Variants in ELL3 observed in about 807,000 individuals in gnomAD.
ELL3 encodes RNA polymerase II elongation factor ELL3.
In ELL3, 48 loss-of-function variants were observed where a neutral mutation model predicts 58.5. The ratio of observed to expected loss-of-function variants is 0.82; its 90% CI spans 0.65 to 1.04. The LOEUF (loss-of-function observed/expected upper bound fraction) is 1.04. Ranked by LOEUF, ELL3 falls within the 50% of genes least tolerant of loss-of-function variation. The pLI, the probability that ELL3 is intolerant of heterozygous loss-of-function variation, is 0.00. For synonymous variants in ELL3, 174 were observed against 173.2 expected, an observed-to-expected ratio of 1.00 and a Z score of -0.04; for missense variants, 458 against 478.4, an observed-to-expected ratio of 0.96 and a Z score of 0.40.
rs771473047 is a variant in ELL3, at chr15:43,775,343, G to C, written c.608C>G (p.Ala203Gly). The change falls in exon 6 of 11, where the codon GCA becomes GGA. Residue 203 changes from alanine to glycine, a missense_variant. Coordinates refer to ENST00000319359, the MANE Select transcript of ELL3 (RefSeq NM_025165.3). ...THVPNREPVQ[A>G]LPSSASRKRL... ...TTTCCGGCTGGCAGAGGAAGGCAGT[G>C]CCTGAACAGGTTCTCTGTTTGGAAC... is the stretch of plus-strand genomic sequence containing the variant. 5 of 1,613,556 alleles carry C rather than the reference G, an allele frequency of 3.1e-6. No homozygotes were observed. Among genetic ancestry groups the C allele is most frequent in the Non-Finnish European group, 4.2e-6 (5 of 1,179,612 alleles).
At position 43,773,868 on chromosome 15, in the gene ELL3, G is replaced by A. The variant is rs2086896215; in HGVS notation, c.1038+314C>T. Among the ~76,000 whole-genome samples, 3 of 152,040 alleles carry A rather than the reference G, an allele frequency of 2.0e-5. No individual in the cohort carries two copies. The South Asian group carries it at 6.2e-4, about 31-fold the overall frequency. The stretch of plus-strand genomic sequence containing the variant: ...AATACAAAAAGTGGCTGGGCATGGT[G>A]GCACATACCTATAATCCCAGCTATT... On this transcript the variant is annotated intron_variant, in intron 9 of 10. Coordinates refer to ENST00000319359, the MANE Select transcript of ELL3 (RefSeq NM_025165.3).
At chr15:43,776,388 T>G in intron 2 of ELL3, 121 bp downstream of exon 2, 1 of 1,470,464 alleles carries the variant, frequency 6.8e-7, no homozygotes, top group African/African-American at 1.4e-5. Flanking sequence ...AGTTCAGTTA[T>G]CGGAACTACC....
chr15:43,774,630 G>A lies in ELL3; in HGVS notation c.789C>T (p.Asp263=). 1 of 1,614,100 alleles carries A rather than the reference G, an allele frequency of 6.2e-7. No homozygotes were observed. The highest frequency in any genetic ancestry group is 8.5e-7 in the Non-Finnish European group (1 of 1,180,022). Residue 263 remains aspartate, a synonymous_variant, in exon 7 of 11, where the codon GAC becomes GAT. Transcript: ENST00000319359. ...CTGAGGAACTGTGTTCTAATCTGGG[G>A]TCCATGTCCTCATCTTCTTGCTCCC... The part of the protein sequence containing the change: ...EDWEQEDEDM[D]PRLEHSSSVQ...
At chr15:43,776,196 C>T (rs1345399926) in intron 2 of ELL3, 45 bp from the exon 3 acceptor site, 3 of 1,539,676 alleles carry the variant, frequency 1.9e-6, no homozygotes, top group African/African-American at 2.7e-5. Context: ...TCAGCCCCTC[C>T]CCCTCCTGCC....
At chr15:43,773,421 C>A (rs373182996) in intron 9 of ELL3, 73 bp from the exon 10 acceptor site, 2 of 1,534,298 alleles carry the variant, frequency 1.3e-6, no homozygotes, top group Non-Finnish European at 1.8e-6. Context: ...TGGTGGCTCA[C>A]GCCTGTAATC....
intron 2 of ELL3, 80 bp from the exon 3 acceptor site, chr15:43,776,231 C>G: frequency 7.4e-7 from 1 of 1,356,476 alleles, no homozygotes. Context: ...GGGAGCCAGT[C>G]CGTAAGTAAG....
At chr15:43,776,697 C>T (rs920685219) in intron 1 of ELL3, 73 bp downstream of exon 1, 1 of 1,560,254 alleles carries the variant, frequency 6.4e-7, no homozygotes, top group East Asian at 2.3e-5. Flanking sequence ...TCCCCTGCAC[C>T]TTCTCCAGGG....
At chr15:43,776,666 G>A (rs987307686) in intron 1 of ELL3, 104 bp downstream of exon 1, 4 of 1,545,566 alleles carry the variant, frequency 2.6e-6, no homozygotes, top group Non-Finnish European at 3.5e-6. Context: ...GGAGGCCAGA[G>A]CTTGCGGAAG....
chr15:43,774,385 T>C, intron 8 of ELL3, 32 bp from the exon 9 acceptor site: 1 of 1,613,676 alleles, frequency 6.2e-7, no homozygotes, highest in Non-Finnish European at 8.5e-7. Context: ...CACCTTCAAT[T>C]TCATTGCCCC....
chr15:43,775,526 TCACTTCC>T lies in ELL3; in HGVS notation c.561_567del (p.Trp187Ter). On this transcript the variant is annotated frameshift_variant and splice_region_variant, in exon 5 of 11. Transcript: ENST00000319359. LOFTEE classifies it high-confidence loss of function. The stretch of plus-strand genomic sequence containing the variant: ...TTAGTCCCACCCCATCCAAAGTACC[TCACTTCC>T]CACTGTGCCATGTGCTCCCTTGAGG... The T allele has an allele frequency of 6.2e-7, 1 of 1,614,164 alleles. No homozygotes were observed.
Position 43,775,513 on chromosome 15 carries a change from C to T in ELL3, c.569+12G>A. ...AAAGCTTCCCATGTTAGTCCCACCC[C>T]ATCCAAAGTACCTCACTTCCCACTG... On this transcript the variant is annotated intron_variant, in intron 5 of 10. Transcript: ENST00000319359. The T allele has an allele frequency of 6.2e-7, 1 of 1,614,122 alleles. No individual in the cohort carries two copies. The highest frequency in any genetic ancestry group is 8.5e-7 in the Non-Finnish European group (1 of 1,179,990).
At chr15:43,773,471 CAGG>C in intron 9 of ELL3, 123 bp from the exon 10 acceptor site, 1 of 997,928 alleles carries the variant, frequency 1.0e-6, no homozygotes, top group South Asian at 1.4e-5. Flanking sequence ...ATAACGAGGT[CAGG>C]AGATCTTGAC....
intron 1 of ELL3, 101 bp from the exon 2 acceptor site, chr15:43,776,645 T>C: frequency 6.5e-7 from 1 of 1,547,670 alleles, no homozygotes; most frequent in Non-Finnish European, 8.8e-7. Context: ...GGGCTTCACT[T>C]GGAGAGGTGG....
chr15:43,776,247 G>A, intron 2 of ELL3, 96 bp from the exon 3 acceptor site: 1 of 1,249,104 alleles, frequency 8.0e-7, no homozygotes, highest in Non-Finnish European at 1.1e-6. Context: ...GTAAGACTAA[G>A]ACGGGTCCCA....
At chr15:43,776,018 C>T in intron 3 of ELL3, 21 bp downstream of exon 3, 1 of 1,613,312 alleles carries the variant, frequency 6.2e-7, no homozygotes, top group Middle Eastern at 1.7e-4. Context: ...CCTTTCTTGC[C>T]GGCTACCTGT....
chr15:43,776,049 G>A lies in ELL3; in HGVS notation c.271C>T (p.Arg91Cys), dbSNP rs1352845801. 8 of 1,614,024 alleles carry A rather than the reference G, an allele frequency of 5.0e-6. No homozygotes were observed. The highest frequency in any genetic ancestry group is 1.1e-5 in the South Asian group (1 of 91,066). Residue 91 changes from arginine (R) to cysteine (C), a missense_variant, in exon 3 of 11, where the codon CGC becomes TGC. Coordinates refer to ENST00000319359, the MANE Select transcript of ELL3 (RefSeq NM_025165.3). ...AGGSLDLVCQRFLRSGPNSLH... is the reference protein window; with the variant it reads ...AGGSLDLVCQCFLRSGPNSLH... ...CCTGTTCCCCCTCACCTGAGGAAGC[G>A]TTGGCACACAAGGTCCAAGCTACCA...
At position 43,773,286 on chromosome 15, in the gene ELL3, T is replaced by A. The variant is rs1004195369; in HGVS notation, c.1083+18A>T. The A allele has an allele frequency of 6.2e-7, 1 of 1,614,070 alleles. No individual in the cohort carries two copies. The highest frequency in any genetic ancestry group is 1.3e-5 in the African/African-American group (1 of 74,930). ...AATTCTCATTCTACCTTGCTTCCGT[T>A]CCCAGACCTTGTCTTACCTTCCTGA... On this transcript the variant is annotated intron_variant, in intron 10 of 10. Transcript: ENST00000319359.
chr15:43,776,241 G>T, intron 2 of ELL3, 90 bp from the exon 3 acceptor site: 1 of 1,272,912 alleles, frequency 7.9e-7, no homozygotes, highest in Non-Finnish European at 1.1e-6. Flanking sequence ...CCGTAAGTAA[G>T]ACTAAGACGG....
intron 8 of ELL3, 56 bp downstream of exon 8, chr15:43,774,420 G>A: frequency 1.2e-6 from 2 of 1,613,704 alleles, no homozygotes; most frequent in South Asian, 2.2e-5. Flanking sequence ...CTTCCAGGAA[G>A]TGTATCTTAA....
Sources: gnomAD v4.1 joint callset for allele counts (sites outside exome capture counted in the v4.1 genomes callset) on GRCh38, gnomAD v4.1.1 for gene constraint, MANE v1.5 for transcripts, NCBI Gene and HGNC (gene_info 2026-07-23, HGNC 2026-07-21) for gene names.